FRMD3: variants seen among roughly 807,000 people sequenced by gnomAD.
FRMD3 encodes FERM domain containing 3, also known as FERM domain-containing protein 3.
In FRMD3, 33 loss-of-function variants were observed where a neutral mutation model predicts 70.2. That is an observed-to-expected ratio of 0.47 (90% confidence interval 0.36 to 0.63). The LOEUF (loss-of-function observed/expected upper bound fraction) is 0.63. FRMD3 is among the 20% of genes least tolerant of loss of function. FRMD3 has a pLI of 0.00. For missense variants in FRMD3, 632 were observed against 711.4 expected (o/e 0.89, Z 1.27); for synonymous variants, 279 against 255.9 (o/e 1.09, Z -0.86).
intron 1 of FRMD3, among the ~76,000 whole-genome samples, chr9:83,447,365 A>G (rs771118317): frequency 6.6e-6 from 1 of 152,244 alleles, no homozygotes; most frequent in Non-Finnish European, 1.5e-5. Flanking sequence ...AGCTCCTGCA[A>G]TGACAGCAGG....
At chr9:83,399,171 G>C (rs1825884923) in intron 1 of FRMD3, among the ~76,000 whole-genome samples, 1 of 152,168 alleles carries the variant, frequency 6.6e-6, no homozygotes, top group African/African-American at 2.4e-5. Context: ...AGAATACGTT[G>C]GTCAGTTTTT....
At chr9:83,573,015 G>T in the FRMD3 span, among the ~76,000 whole-genome samples, 2 of 151,674 alleles carry the variant, frequency 1.3e-5, no homozygotes, top group African/African-American at 4.9e-5. Flanking sequence ...TCTATCCTGG[G>T]ATTGCAGAAA....
At chr9:83,243,815 T>C (rs989066173), downstream of FRMD3, among the ~76,000 whole-genome samples, 3 of 152,102 alleles carry the variant, frequency 2.0e-5, no homozygotes, top group South Asian at 6.2e-4. Context: ...TCATTCCAAG[T>C]AACACCTTTT....
intron 1 of FRMD3, among the ~76,000 whole-genome samples, chr9:83,502,055 A>C (rs1243968434): frequency 6.6e-6 from 1 of 152,252 alleles, no homozygotes; most frequent in Non-Finnish European, 1.5e-5. Flanking sequence ...GTTCTGGAAC[A>C]AATGTGAGAC....
At chr9:83,324,236 C>T (rs932758386) in intron 6 of FRMD3, among the ~76,000 whole-genome samples, 1 of 152,026 alleles carries the variant, frequency 6.6e-6, no homozygotes, top group Admixed American at 6.6e-5. Context: ...TGAAAATAGG[C>T]AAAACTGAAG....
intron 6 of FRMD3, among the ~76,000 whole-genome samples, chr9:83,315,970 T>G (rs1835549752): frequency 6.6e-6 from 1 of 152,174 alleles, no homozygotes. Context: ...ACCACTGCTA[T>G]TCTAAGTCTG....
chr9:83,446,537 C>G (rs905172235), intron 1 of FRMD3, among the ~76,000 whole-genome samples: 4 of 150,648 alleles, frequency 2.7e-5, no homozygotes, highest in Non-Finnish European at 4.4e-5. Flanking sequence ...GTCCCAGCTA[C>G]TCGGGAGGCT....
chr9:83,355,132 C>T (rs76691166), intron 3 of FRMD3, among the ~76,000 whole-genome samples: 1,987 of 152,244 alleles, frequency 0.013, 36 homozygotes, highest in African/African-American at 0.045. Flanking sequence ...CCTTGTGCAG[C>T]GATGACTAAC....
chr9:83,543,223 T>C (rs1052715265), upstream of FRMD3, among the ~76,000 whole-genome samples: 6 of 151,394 alleles, frequency 4.0e-5, no homozygotes, highest in East Asian at 1.2e-3. Context: ...TGAAGGCCTA[T>C]TGGAAAATTC....
chr9:83,401,491 G>C (rs374374568), intron 1 of FRMD3, among the ~76,000 whole-genome samples: 2 of 152,246 alleles, frequency 1.3e-5, no homozygotes, highest in Non-Finnish European at 2.9e-5. Context: ...TCAAGAGCTG[G>C]AGCCAAGATA....
chr9:83,469,015 C>G (rs1360346211), intron 1 of FRMD3, among the ~76,000 whole-genome samples: 1 of 152,220 alleles, frequency 6.6e-6, no homozygotes, highest in East Asian at 1.9e-4. Flanking sequence ...TACTGGAATG[C>G]TCAGAGCTGG....
chr9:83,343,154 G>C, intron 5 of FRMD3, 36 bp downstream of exon 5: 1 of 1,416,174 alleles, frequency 7.1e-7, no homozygotes, highest in Non-Finnish European at 1.0e-6. Flanking sequence ...GCTCCACAGT[G>C]CAAAGGTGGC....
rs778340133 is a variant in FRMD3, at chr9:83,461,525, T to C, written c.148-71817A>G. ...GAAGGCTTCCCAGGGAAGATGACATTTGGCTGAGTCCTAAAGGATGAACTG... is the reference window on the plus strand; with the variant it reads ...GAAGGCTTCCCAGGGAAGATGACATCTGGCTGAGTCCTAAAGGATGAACTG... On this transcript the variant is annotated intron_variant, in intron 1 of 13. Transcript: ENST00000304195. Among the ~76,000 whole-genome samples, 3 of 151,938 alleles carry C rather than the reference T, an allele frequency of 2.0e-5. 1 individual carries two copies. Among genetic ancestry groups the C allele is most frequent in the Non-Finnish European group, 2.9e-5 (2 of 67,984 alleles).
chr9:83,467,128 C>T (rs1211683376), intron 1 of FRMD3, among the ~76,000 whole-genome samples: 2 of 152,166 alleles, frequency 1.3e-5, no homozygotes, highest in Admixed American at 1.3e-4. Context: ...GGAAAACCAC[C>T]AAACTATTTG....
intron 3 of FRMD3, among the ~76,000 whole-genome samples, chr9:83,369,087 T>G (rs1262910072): frequency 1.3e-5 from 2 of 152,082 alleles, no homozygotes; most frequent in Non-Finnish European, 2.9e-5. Flanking sequence ...TCTCCTGACC[T>G]CGTAATGCAC....
At chr9:83,363,787 C>T (rs1404110078) in intron 3 of FRMD3, among the ~76,000 whole-genome samples, 1 of 152,086 alleles carries the variant, frequency 6.6e-6, no homozygotes, top group East Asian at 1.9e-4. Context: ...ATCTCCTGAC[C>T]TCGTGATCCG....
chr9:83,301,300 A>T (rs2131017356), intron 10 of FRMD3, among the ~76,000 whole-genome samples: 1 of 152,132 alleles, frequency 6.6e-6, no homozygotes, highest in East Asian at 1.9e-4. Context: ...GCACCCCCTA[A>T]AACTCCCCAC....
intron 1 of FRMD3, among the ~76,000 whole-genome samples, chr9:83,449,393 C>T (rs577661539): frequency 6.6e-6 from 1 of 152,328 alleles, no homozygotes; most frequent in East Asian, 1.9e-4. Context: ...AGAAGGACAT[C>T]TGGTCTGGTC....
chr9:83,412,820 C>A (rs1284512153), intron 1 of FRMD3, among the ~76,000 whole-genome samples: 2 of 152,142 alleles, frequency 1.3e-5, no homozygotes, highest in Non-Finnish European at 2.9e-5. Flanking sequence ...CATGGTGAAA[C>A]CTCATCTCTA....
Sources: gnomAD v4.1 joint callset for allele counts (sites outside exome capture counted in the v4.1 genomes callset) on GRCh38, gnomAD v4.1.1 for gene constraint, MANE v1.5 for transcripts, NCBI Gene and HGNC (gene_info 2026-07-23, HGNC 2026-07-21) for gene names.